Variants in SMKR1 observed in about 807,000 individuals in gnomAD.
SMKR1 encodes small lysine-rich protein 1.
SMKR1 carries 4 observed loss-of-function variants against 4.0 expected under a neutral mutation model. That is an observed-to-expected ratio of 1.00 (90% confidence interval 0.49 to 2.30). The LOEUF (loss-of-function observed/expected upper bound fraction) is 2.30. Ranked by LOEUF, SMKR1 falls within the 30% of genes most tolerant of loss-of-function variation. The pLI, the probability that SMKR1 is intolerant of heterozygous loss-of-function variation, is 0.02. For synonymous variants in SMKR1, 38 were observed against 32.5 expected, an observed-to-expected ratio of 1.17 and a Z score of -0.58; for missense variants, 56 against 81.8, an observed-to-expected ratio of 0.68 and a Z score of 1.22.
Position 129,502,834 on chromosome 7 carries a change from C to T in SMKR1, c.3+7C>T, listed in dbSNP as rs1030578751. The T allele has an allele frequency of 5.2e-6, 8 of 1,534,874 alleles. No individual in the cohort carries two copies. The African/African-American group carries it at 5.5e-5, about 11-fold the overall frequency. ...TCGGCTGAGAATCGCCATGGTAATC[C>T]CCGTCTCCCTAAAGTACCCGGGGCC... On this transcript the variant is annotated splice_region_variant and intron_variant, in intron 1 of 1. Transcript: ENST00000462322.
chr7:129,502,564 C>T lies in SMKR1; in HGVS notation c.-261C>T, dbSNP rs1030382582. On this transcript the variant is annotated 5_prime_UTR_variant, in exon 1 of 2. Coordinates refer to ENST00000462322, the MANE Select transcript of SMKR1 (RefSeq NM_001195243.2). ...GCCCAGCGCCCACAGCTGCGGCGGC[C>T]TAGGTGCCGCGTGGGGCAAGCAGGT... 6.0e-5 allele frequency: 23 copies of T among 385,370 alleles called. No individual in the cohort carries two copies. The highest frequency in any genetic ancestry group is 1.4e-3 in the Middle Eastern group (2 of 1,452). 23.9% of individuals were successfully genotyped at this position (385,370 alleles called of 1,614,324 possible).
intron 1 of SMKR1, among the ~76,000 whole-genome samples, chr7:129,504,336 C>G (rs551959507): frequency 1.3e-5 from 2 of 152,264 alleles, no homozygotes; most frequent in East Asian, 3.9e-4. Flanking sequence ...CCATGTTGGC[C>G]TTTTTTGGGT....
Position 129,512,574 on chromosome 7 carries a change from G to A in SMKR1, c.*133G>A. The A allele has an allele frequency of 1.1e-6, 1 of 920,214 alleles. No homozygotes were observed. Among genetic ancestry groups the A allele is most frequent in the East Asian group, 2.9e-5 (1 of 34,674 alleles). The allele number at this position is 920,214 out of a possible 1,614,324, so 57.0% of individuals were successfully genotyped here. On this transcript the variant is annotated 3_prime_UTR_variant, in exon 2 of 2. Transcript: ENST00000462322. ...ATGCAAATTAAGTGTGCTTTTCTGT[G>A]ATGGTGGAAGATCAGGAAATGCACC...
chr7:129,508,194 T>C (rs1379992931), intron 1 of SMKR1, among the ~76,000 whole-genome samples: 2 of 152,214 alleles, frequency 1.3e-5, no homozygotes, highest in African/African-American at 2.4e-5. Context: ...GGTGAGACTA[T>C]GGGTTGAGGT....
At chr7:129,502,949 C>A in intron 1 of SMKR1, 122 bp downstream of exon 1, 2 of 1,390,420 alleles carry the variant, frequency 1.4e-6, no homozygotes, top group Non-Finnish European at 9.6e-7. Context: ...CAACGCGTGG[C>A]GAAAAGATGG....
chr7:129,505,696 G>C (rs1277994766), intron 1 of SMKR1, among the ~76,000 whole-genome samples: 9 of 152,056 alleles, frequency 5.9e-5, no homozygotes, highest in East Asian at 1.9e-4. Context: ...TGTCCAGGCT[G>C]GTCTTGAACT....
At chr7:129,506,250 G>A (rs1033835406) in intron 1 of SMKR1, among the ~76,000 whole-genome samples, 4 of 151,966 alleles carry the variant, frequency 2.6e-5, no homozygotes, top group African/African-American at 9.7e-5. Flanking sequence ...GACCTGCTTG[G>A]GCACCATAAT....
At chr7:129,509,473 T>A (rs1239782461) in intron 1 of SMKR1, among the ~76,000 whole-genome samples, 1 of 152,178 alleles carries the variant, frequency 6.6e-6, no homozygotes, top group Non-Finnish European at 1.5e-5. Flanking sequence ...CATTGCAAGA[T>A]ACGTCTCATC....
rs1056623869 is a variant in SMKR1, at chr7:129,502,632, C to T, written c.-193C>T. On this transcript the variant is annotated 5_prime_UTR_variant, in exon 1 of 2. Transcript: ENST00000462322. Reference sequence around the variant, plus strand: ...CTCCGCGGCTGGCTGCCTCCCGAGCCGGCCGCGCTCCTCCCAGCGAGGCGT... The same window carrying T: ...CTCCGCGGCTGGCTGCCTCCCGAGCTGGCCGCGCTCCTCCCAGCGAGGCGT... The T allele has an allele frequency of 7.3e-5, 56 of 770,120 alleles. No homozygotes were observed. Among genetic ancestry groups the T allele is most frequent in the Non-Finnish European group, 1.0e-4 (52 of 522,220 alleles). 47.7% of individuals were successfully genotyped at this position (770,120 alleles called of 1,614,324 possible).
At position 129,512,628 on chromosome 7, in the gene SMKR1, T is replaced by TTTTTAGG; in HGVS notation, c.*187_*188insTTTTAGG. The TTTTTAGG allele has an allele frequency of 1.6e-6, 1 of 631,540 alleles. No homozygotes were observed. The highest frequency in any genetic ancestry group is 2.5e-6 in the Non-Finnish European group (1 of 396,598). 39.1% of individuals were successfully genotyped at this position (631,540 alleles called of 1,614,324 possible). ...CTTCCTCTGTTATGCCAGATATGGT[T>TTTTTAGG]AGCCACTTTGGTTTTTTAGGAGCTA... On this transcript the variant is annotated 3_prime_UTR_variant, in exon 2 of 2. Transcript: ENST00000462322.
At chr7:129,509,727 G>A (rs532547231) in intron 1 of SMKR1, among the ~76,000 whole-genome samples, 4 of 152,234 alleles carry the variant, frequency 2.6e-5, no homozygotes, top group African/African-American at 9.6e-5. Flanking sequence ...TTTTAGTAGA[G>A]ACGGGGTTTC....
intron 1 of SMKR1, among the ~76,000 whole-genome samples, chr7:129,507,633 T>C (rs909720199): frequency 6.6e-6 from 1 of 152,234 alleles, no homozygotes; most frequent in Non-Finnish European, 1.5e-5. Flanking sequence ...CATTTTAGAT[T>C]TCCATCAGAG....
chr7:129,503,430 C>T (rs1215932414), intron 1 of SMKR1, among the ~76,000 whole-genome samples: 3 of 152,244 alleles, frequency 2.0e-5, no homozygotes, highest in Non-Finnish European at 4.4e-5. Flanking sequence ...CGCACAGAGC[C>T]CTTGCTAAAG....
At chr7:129,507,294 C>T (rs895432979) in intron 1 of SMKR1, among the ~76,000 whole-genome samples, 2 of 152,058 alleles carry the variant, frequency 1.3e-5, no homozygotes, top group Admixed American at 6.6e-5. Context: ...GGATTATAGG[C>T]GTGAGCCACT....
intron 1 of SMKR1, among the ~76,000 whole-genome samples, chr7:129,505,193 G>A (rs1799452270): frequency 6.6e-6 from 1 of 152,184 alleles, no homozygotes; most frequent in Non-Finnish European, 1.5e-5. Context: ...TAAATTTATA[G>A]ACAGAATCTC....
chr7:129,506,328 G>A (rs1276412725), intron 1 of SMKR1, among the ~76,000 whole-genome samples: 1 of 152,160 alleles, frequency 6.6e-6, no homozygotes, highest in East Asian at 1.9e-4. Flanking sequence ...TGTAGTCCCA[G>A]TTACTCAGGA....
intron 1 of SMKR1, among the ~76,000 whole-genome samples, chr7:129,503,485 C>T (rs1461804544): frequency 1.3e-5 from 2 of 152,200 alleles, no homozygotes; most frequent in Non-Finnish European, 2.9e-5. Context: ...CTCTGCTAAA[C>T]AACAACAAAC....
At chr7:129,507,660 G>T (rs1231641761) in intron 1 of SMKR1, among the ~76,000 whole-genome samples, 2 of 152,160 alleles carry the variant, frequency 1.3e-5, no homozygotes, top group Non-Finnish European at 2.9e-5. Context: ...GAGAGTTTCA[G>T]TTTCTTTACA....
intron 1 of SMKR1, among the ~76,000 whole-genome samples, chr7:129,510,552 A>G (rs1094473): frequency 6.6e-6 from 1 of 152,186 alleles, no homozygotes; most frequent in African/African-American, 2.4e-5. Flanking sequence ...TAGGCAACAT[A>G]GCGAGACTGT....
Sources: gnomAD v4.1 joint callset for allele counts (sites outside exome capture counted in the v4.1 genomes callset) on GRCh38, gnomAD v4.1.1 for gene constraint, MANE v1.5 for transcripts, NCBI Gene and HGNC (gene_info 2026-07-23, HGNC 2026-07-21) for gene names.